ACTA2: variants seen among roughly 807,000 people sequenced by gnomAD.
ACTA2 encodes the protein actin, aortic smooth muscle.
In ACTA2, 12 loss-of-function variants were observed where a neutral mutation model predicts 39.5. That is an observed-to-expected ratio of 0.30 (90% CI 0.19 to 0.49). ACTA2 has a LOEUF of 0.49. ACTA2 is among the 20% of genes least tolerant of loss of function. The probability of loss-of-function intolerance (pLI) is 0.99; values close to 1 mark genes in which losing one functional copy is unlikely to be tolerated. For synonymous variants in ACTA2, 158 were observed against 180.6 expected, an observed-to-expected ratio of 0.88 and a Z score of 1.00; for missense variants, 236 against 498.8, an observed-to-expected ratio of 0.47 and a Z score of 5.02.
At chr10:88,943,334 C>G (rs1465323833) in intron 4 of ACTA2, among the ~76,000 whole-genome samples, 3 of 152,160 alleles carry the variant, frequency 2.0e-5, no homozygotes, top group Non-Finnish European at 4.4e-5. Flanking sequence ...ATGTTCACAT[C>G]AATCCTTGGA....
intron 1 of ACTA2, among the ~76,000 whole-genome samples, chr10:88,963,787 G>C (rs888334862): frequency 6.6e-6 from 1 of 152,116 alleles, no homozygotes; most frequent in Non-Finnish European, 1.5e-5. Context: ...ACTAATATCC[G>C]TGTTTGGCTT....
chr10:88,938,407 T>C, intron 7 of ACTA2, 165 bp from the exon 8 acceptor site: 2 of 740,366 alleles, frequency 2.7e-6, no homozygotes, highest in South Asian at 3.3e-5. Context: ...CTTGTTATGC[T>C]CTATGTCTTC....
intron 8 of ACTA2, among the ~76,000 whole-genome samples, chr10:88,935,752 A>G (rs1039202455): frequency 6.6e-6 from 1 of 152,226 alleles, no homozygotes; most frequent in African/African-American, 2.4e-5. Context: ...ACCCTAGCCT[A>G]TTCAAAGGAG....
At chr10:88,957,313 T>A (rs925813035), upstream of ACTA2, among the ~76,000 whole-genome samples, 1 of 152,190 alleles carries the variant, frequency 6.6e-6, no homozygotes, top group Non-Finnish European at 1.5e-5. Context: ...ACAAAATACA[T>A]GTCAGATTGC....
At chr10:88,965,226 T>C (rs1385602694) in intron 1 of ACTA2, among the ~76,000 whole-genome samples, 1 of 152,118 alleles carries the variant, frequency 6.6e-6, no homozygotes, top group East Asian at 1.9e-4. Flanking sequence ...CACCATTAGG[T>C]TGTAAACTTT....
chr10:88,987,101 AATT>A (rs2133366690), intron 1 of ACTA2, among the ~76,000 whole-genome samples: 1 of 152,342 alleles, frequency 6.6e-6, no homozygotes, highest in East Asian at 1.9e-4. Context: ...TGGTAGAAAT[AATT>A]ATTAATAGAC....
At chr10:88,954,247 T>C (rs1846097334), upstream of ACTA2, among the ~76,000 whole-genome samples, 1 of 152,216 alleles carries the variant, frequency 6.6e-6, no homozygotes, top group African/African-American at 2.4e-5. Context: ...CACATATACA[T>C]ACATATATAT....
At chr10:88,975,628 T>A (rs182771804) in intron 1 of ACTA2, among the ~76,000 whole-genome samples, 21 of 151,720 alleles carry the variant, frequency 1.4e-4, no homozygotes, top group African/African-American at 5.1e-4. Flanking sequence ...GATCGTAAGT[T>A]CCATGAGAGT....
chr10:88,959,847 T>A (rs1846198460), intron 1 of ACTA2, among the ~76,000 whole-genome samples: 1 of 152,212 alleles, frequency 6.6e-6, no homozygotes, highest in Non-Finnish European at 1.5e-5. Flanking sequence ...TTGACAGTTT[T>A]GAGGAGTATT....
Position 88,964,806 on chromosome 10 carries a change from G to A in ACTA2, c.-23-15853C>T, listed in dbSNP as rs188661926. On this transcript the variant is annotated intron_variant, in intron 1 of 4. Transcript: ENST00000415557. Reference sequence around the variant, plus strand: ...CCTGTTTGCAGCTGTACAAATTAAGGTATTATGAAAGCATGGTCATTCAAA... The same window carrying A: ...CCTGTTTGCAGCTGTACAAATTAAGATATTATGAAAGCATGGTCATTCAAA... Among the ~76,000 whole-genome samples the A allele has an allele frequency of 3.9e-5, 6 of 152,234 alleles. No homozygotes were observed. In the East Asian group the frequency reaches 1.2e-3, roughly 29 times the overall value.
intron 4 of ACTA2, among the ~76,000 whole-genome samples, chr10:88,943,339 C>T (rs1024288119): frequency 1.3e-4 from 20 of 152,120 alleles, no homozygotes. Context: ...CACATCAATC[C>T]TTGGAAAAAT....
At chr10:88,946,985 T>C in intron 3 of ACTA2, 1 of 303,524 alleles carries the variant, frequency 3.3e-6, no homozygotes, top group Non-Finnish European at 6.3e-6. Context: ...AGTGAGAACA[T>C]GCGGTGTTTG....
intron 3 of ACTA2, among the ~76,000 whole-genome samples, chr10:88,944,909 A>G (rs1351175895): frequency 6.6e-6 from 1 of 152,254 alleles, no homozygotes; most frequent in African/African-American, 2.4e-5. Context: ...GCAAAACAAG[A>G]ACTGCTGGTG....
At chr10:88,939,924 A>G in intron 6 of ACTA2, 1 of 569,782 alleles carries the variant, frequency 1.8e-6, no homozygotes, top group Non-Finnish European at 3.2e-6. Context: ...CTCAGCATGC[A>G]TTGTCTGGGA....
At chr10:88,988,876 T>C (rs1847004370) in intron 1 of ACTA2, among the ~76,000 whole-genome samples, 2 of 152,300 alleles carry the variant, frequency 1.3e-5, no homozygotes, top group South Asian at 4.1e-4. Flanking sequence ...CAAATTAAAG[T>C]AACCCAGAAT....
intron 6 of ACTA2, 121 bp downstream of exon 6, chr10:88,941,108 G>C: frequency 1.6e-6 from 2 of 1,241,098 alleles, no homozygotes; most frequent in South Asian, 1.3e-5. Context: ...CTGTGCATTA[G>C]AGCCAGGCCT....
chr10:88,961,216 C>G (rs1846221535), intron 1 of ACTA2, among the ~76,000 whole-genome samples: 1 of 152,158 alleles, frequency 6.6e-6, no homozygotes, highest in Non-Finnish European at 1.5e-5. Context: ...TCACCTTCAC[C>G]TAGAAACATA....
At chr10:88,963,208 A>C (rs1454925641) in intron 1 of ACTA2, among the ~76,000 whole-genome samples, 9 of 151,688 alleles carry the variant, frequency 5.9e-5, no homozygotes, top group Admixed American at 5.9e-4. Flanking sequence ...TAAGAAAATC[A>C]GAAAATTTCC....
At chr10:88,936,636 G>A (rs1845745300) in intron 8 of ACTA2, among the ~76,000 whole-genome samples, 1 of 147,812 alleles carries the variant, frequency 6.8e-6, no homozygotes. Context: ...CTTCCACCAT[G>A]ATTCGAAGCT....
Sources: gnomAD v4.1 joint callset for allele counts (sites outside exome capture counted in the v4.1 genomes callset) on GRCh38, gnomAD v4.1.1 for gene constraint, MANE v1.5 for transcripts, NCBI Gene and HGNC (gene_info 2026-07-23, HGNC 2026-07-21) for gene names.